SDK1: variants seen among roughly 807,000 people sequenced by gnomAD.
SDK1 encodes the protein sidekick cell adhesion molecule 1.
SDK1 carries 157 observed loss-of-function variants against 245.5 expected under a neutral mutation model. The observed-to-expected ratio is 0.64, with a 90% CI of 0.56 to 0.73. The LOEUF (loss-of-function observed/expected upper bound fraction) is 0.73, where lower values mean the gene tolerates loss of function less well. SDK1 is among the 30% of genes least tolerant of loss of function. SDK1 has a pLI of 0.00. For synonymous variants in SDK1, 1,647 were observed against 1,278.5 expected (o/e 1.29, Z -6.15); for missense variants, 3,583 against 3,002.3 (o/e 1.19, Z -4.52).
At chr7:4,045,571 T>A (rs1256582689) in intron 17 of SDK1, among the ~76,000 whole-genome samples, 2 of 152,196 alleles carry the variant, frequency 1.3e-5, no homozygotes, top group East Asian at 3.9e-4. Context: ...TGTGAACTTT[T>A]ACATGTCTTG....
intron 18 of SDK1, among the ~76,000 whole-genome samples, chr7:4,050,681 G>A (rs1310326888): frequency 1.3e-5 from 2 of 151,970 alleles, no homozygotes; most frequent in East Asian, 1.9e-4. Context: ...TCCTTTTTGC[G>A]AAACTAGTGT....
chr7:4,178,550 G>C lies in SDK1; in HGVS notation c.5062G>C (p.Ala1688Pro). 1.2e-6 allele frequency: 2 copies of C among 1,613,330 alleles called. No homozygotes were observed. The highest frequency in any genetic ancestry group is 1.1e-5 in the South Asian group (1 of 91,080). ...CTATAACATCATCGGCGAGAGCCCA[G>C]CCAGCGCGCCCGTGGAGGTCTTTGT... ...TAYNIIGESP[A>P]SAPVEVFVGE... The change falls in exon 35 of 45, where the codon GCC becomes CCC. Residue 1688 changes from alanine to proline, a missense_variant. By Grantham distance (27) the Ala-to-Pro change is conservative (BLOSUM62 -1). Coordinates refer to ENST00000404826, the MANE Select transcript of SDK1 (RefSeq NM_152744.4).
At chr7:3,524,538 G>T (rs906099187) in intron 1 of SDK1, among the ~76,000 whole-genome samples, 6 of 152,142 alleles carry the variant, frequency 3.9e-5, no homozygotes, top group Non-Finnish European at 8.8e-5. Context: ...GTGTGTGTGT[G>T]TATGTGCGCG....
intron 17 of SDK1, among the ~76,000 whole-genome samples, chr7:4,044,644 C>T (rs765107278): frequency 7.9e-5 from 12 of 151,924 alleles, no homozygotes; most frequent in Admixed American, 7.9e-4. Flanking sequence ...ATTATCTCAC[C>T]CTGTTGCCCA....
intron 1 of SDK1, among the ~76,000 whole-genome samples, chr7:3,445,279 C>G (rs1417494765): frequency 3.3e-5 from 5 of 151,986 alleles, no homozygotes; most frequent in Non-Finnish European, 7.4e-5. Context: ...TCTTAGATAC[C>G]TACAAAACAG....
rs989670225 is a variant in SDK1 at position 4,267,443 on chromosome 7, A to G, written c.*2059A>G. 13 of 985,144 alleles carry G rather than the reference A, an allele frequency of 1.3e-5. No homozygotes were observed. Among genetic ancestry groups the G allele is most frequent in the Admixed American group, 6.2e-5 (1 of 16,250 alleles). The allele number at this position is 985,144 out of a possible 1,614,324, so 61.0% of individuals were successfully genotyped here. A position where few individuals can be genotyped will look rare whatever the true frequency, so the allele number is the denominator to read the frequency against. On this transcript the variant is annotated 3_prime_UTR_variant, in exon 45 of 45. Transcript: ENST00000404826. ...CACTTCTGCATGAGAATCGCAACCCACAGTTCCCCGGATGAGACTCACCAC... is the reference window on the plus strand; with the variant it reads ...CACTTCTGCATGAGAATCGCAACCCGCAGTTCCCCGGATGAGACTCACCAC...
chr7:3,931,440 C>G (rs1399551781), intron 5 of SDK1, among the ~76,000 whole-genome samples: 1 of 152,152 alleles, frequency 6.6e-6, no homozygotes, highest in Non-Finnish European at 1.5e-5. Flanking sequence ...GGTTCAAAAC[C>G]TTATGGGGCT....
rs567300271 is a variant in SDK1 at position 4,120,284 on chromosome 7, C to T, written c.3823+6010C>T. 6.7e-5 allele frequency among the ~76,000 whole-genome samples: 10 copies of T among 148,928 alleles called. No individual in the cohort carries two copies. The East Asian group carries it at 7.7e-4, about 12-fold the overall frequency. ...TACAAGACTGAAGAAACACCAATCC[C>T]GAGTGGAGTAAATAAAACTGAATTC... On this transcript the variant is annotated intron_variant, in intron 25 of 44. Transcript: ENST00000404826.
intron 4 of SDK1, among the ~76,000 whole-genome samples, chr7:3,783,420 C>T (rs1181591204): frequency 1.3e-5 from 2 of 151,684 alleles, no homozygotes; most frequent in African/African-American, 2.4e-5. Flanking sequence ...CTGAAGTTGT[C>T]ACTGTTTGCT....
At chr7:3,543,140 T>A (rs1224026477) in intron 1 of SDK1, among the ~76,000 whole-genome samples, 1 of 152,252 alleles carries the variant, frequency 6.6e-6, no homozygotes, top group African/African-American at 2.4e-5. Flanking sequence ...ACGGAGGTTA[T>A]GCATCATTTC....
chr7:3,327,618 A>G (rs566152612), intron 1 of SDK1, among the ~76,000 whole-genome samples: 1 of 152,148 alleles, frequency 6.6e-6, no homozygotes, highest in East Asian at 1.9e-4. Flanking sequence ...AAAGCTGTCC[A>G]GTATAGGCCC....
chr7:3,422,194 A>G (rs1274246681), intron 1 of SDK1, among the ~76,000 whole-genome samples: 2 of 152,200 alleles, frequency 1.3e-5, no homozygotes, highest in Non-Finnish European at 1.5e-5. Flanking sequence ...AATGAATCAA[A>G]TGCAATAATT....
At chr7:3,633,739 G>C (rs1583251253) in intron 2 of SDK1, among the ~76,000 whole-genome samples, 1 of 152,124 alleles carries the variant, frequency 6.6e-6, no homozygotes, top group African/African-American at 2.4e-5. Context: ...GTGGAATTTT[G>C]AAGGGTTCTA....
At chr7:3,874,945 A>C (rs1781038981) in intron 5 of SDK1, among the ~76,000 whole-genome samples, 1 of 152,168 alleles carries the variant, frequency 6.6e-6, no homozygotes, top group South Asian at 2.1e-4. Context: ...TAGGTTTCTC[A>C]TTGAGCTGCC....
chr7:3,687,928 G>C (rs1335077971), intron 4 of SDK1, among the ~76,000 whole-genome samples: 2 of 152,192 alleles, frequency 1.3e-5, no homozygotes, highest in African/African-American at 4.8e-5. Flanking sequence ...ATGTGAATCT[G>C]TGTTATCTCA....
intron 5 of SDK1, among the ~76,000 whole-genome samples, chr7:3,938,535 A>C (rs1312897272): frequency 6.6e-6 from 1 of 151,880 alleles, no homozygotes; most frequent in African/African-American, 2.4e-5. Context: ...AGTCCCAGCT[A>C]CTTGGGAGGC....
intron 5 of SDK1, among the ~76,000 whole-genome samples, chr7:3,882,375 G>A (rs544945277): frequency 2.6e-5 from 4 of 152,272 alleles, no homozygotes; most frequent in African/African-American, 9.6e-5. Flanking sequence ...CAGAGTCAAG[G>A]TCAATGCCGT....
Position 3,555,691 on chromosome 7 carries a change from C to T in SDK1, c.299-63389C>T, listed in dbSNP as rs115875991. ...ATCCATCTGACAAGGGATTAGTAACCAGCATATATAAGGAGTTCAAGCAAC... is the reference window on the plus strand; with the variant it reads ...ATCCATCTGACAAGGGATTAGTAACTAGCATATATAAGGAGTTCAAGCAAC... On this transcript the variant is annotated intron_variant, in intron 1 of 44. Transcript: ENST00000404826. Among the ~76,000 whole-genome samples, 620 of 152,134 alleles carry T rather than the reference C, an allele frequency of 4.1e-3. 2 individuals carry two copies. Among genetic ancestry groups the T allele is most frequent in the African/African-American group, 0.014 (566 of 41,500 alleles).
At chr7:3,570,638 T>C (rs1780084973) in intron 1 of SDK1, among the ~76,000 whole-genome samples, 1 of 152,242 alleles carries the variant, frequency 6.6e-6, no homozygotes, top group Admixed American at 6.5e-5. Context: ...GATAGGTTAA[T>C]TCATAACAAC....
Sources: allele counts gnomAD v4.1 joint callset (sites outside exome capture counted in the v4.1 genomes callset), GRCh38; gene constraint gnomAD v4.1.1; transcripts MANE v1.5; gene names NCBI Gene and HGNC (gene_info 2026-07-23, HGNC 2026-07-21).